The following COL6A6 variants were observed in gnomAD, a reference collection of about 807,000 sequenced individuals.
The protein encoded by COL6A6 is collagen alpha-6(VI) chain.
A neutral mutation model predicts 208.6 loss-of-function variants in COL6A6; 183 were observed. The observed-to-expected ratio is 0.88, with a 90% CI of 0.78 to 0.99. COL6A6 has a LOEUF of 0.99. COL6A6 is among the 50% of genes least tolerant of loss of function. The probability of loss-of-function intolerance (pLI) is 0.00; values close to 1 mark genes in which losing one functional copy is unlikely to be tolerated. For synonymous variants in COL6A6, 973 were observed against 1,011.8 expected, an observed-to-expected ratio of 0.96 and a Z score of 0.73; for missense variants, 2,816 against 2,815.2, an observed-to-expected ratio of 1.00 and a Z score of -0.01.
At chr3:130,650,625 A>G (rs1291610803) in intron 33 of COL6A6, among the ~76,000 whole-genome samples, 4 of 151,928 alleles carry the variant, frequency 2.6e-5, no homozygotes, top group African/African-American at 9.7e-5. Flanking sequence ...AAAAAAAGAA[A>G]AAAGAAAAAG....
chr3:130,664,925 G>C, intron 35 of COL6A6, 78 bp from the exon 36 acceptor site: 1 of 898,820 alleles, frequency 1.1e-6, no homozygotes, highest in Non-Finnish European at 1.7e-6. Context: ...CAGTAAAGTG[G>C]CACTTTGTGT....
intron 28 of COL6A6, among the ~76,000 whole-genome samples, chr3:130,639,689 C>CAAAA (rs57615059): frequency 2.1e-5 from 2 of 94,660 alleles, no homozygotes; most frequent in Admixed American, 1.0e-4. Flanking sequence ...GATCCTGTCT[C>CAAAA]AAAAAAAAAA....
intron 4 of COL6A6, 25 bp from the exon 5 acceptor site, chr3:130,566,677 A>G (rs2063030623): frequency 6.4e-7 from 1 of 1,553,154 alleles, no homozygotes; most frequent in Non-Finnish European, 8.7e-7. Flanking sequence ...CAAATGCCAC[A>G]TGCAACTTAT....
At chr3:130,526,085 A>G (rs1448282036) in intron 1 of COL6A6, among the ~76,000 whole-genome samples, 1 of 152,214 alleles carries the variant, frequency 6.6e-6, no homozygotes, top group African/African-American at 2.4e-5. Flanking sequence ...AGAGAAGTCA[A>G]TAAATGACTT....
intron 23 of COL6A6, among the ~76,000 whole-genome samples, chr3:130,615,477 G>A (rs540674779): frequency 6.6e-6 from 1 of 152,224 alleles, no homozygotes; most frequent in South Asian, 2.1e-4. Context: ...CAGGTTCTGA[G>A]TATCTTTGTT....
chr3:130,606,188 T>G (rs2108180047), intron 20 of COL6A6, among the ~76,000 whole-genome samples: 1 of 152,376 alleles, frequency 6.6e-6, no homozygotes, highest in Admixed American at 6.5e-5. Context: ...TTACTTTTAC[T>G]ATAACATTAC....
chr3:130,584,145 G>A (rs2063484053), intron 10 of COL6A6, among the ~76,000 whole-genome samples: 2 of 152,228 alleles, frequency 1.3e-5, no homozygotes, highest in South Asian at 2.1e-4. Flanking sequence ...TGAAAACATT[G>A]TATTTAGGAT....
chr3:130,612,977 G>T (rs1224172204), intron 23 of COL6A6, among the ~76,000 whole-genome samples: 4 of 152,170 alleles, frequency 2.6e-5, no homozygotes, highest in Non-Finnish European at 5.9e-5. Context: ...TATGTTGTCT[G>T]TTTACTCTGT....
intron 1 of COL6A6, among the ~76,000 whole-genome samples, chr3:130,536,412 C>T (rs955082026): frequency 1.3e-5 from 2 of 152,196 alleles, no homozygotes; most frequent in African/African-American, 4.8e-5. Flanking sequence ...ACATACCTGC[C>T]CTTGTGGTAC....
intron 34 of COL6A6, among the ~76,000 whole-genome samples, chr3:130,659,662 A>G (rs1350175213): frequency 6.6e-6 from 1 of 152,226 alleles, no homozygotes; most frequent in Non-Finnish European, 1.5e-5. Flanking sequence ...TCACAGCCAT[A>G]TTAAACCCAA....
intron 34 of COL6A6, among the ~76,000 whole-genome samples, chr3:130,659,706 A>G (rs1442323032): frequency 6.6e-6 from 1 of 152,244 alleles, no homozygotes. Context: ...CAGTTTATGA[A>G]AAACAGGTCT....
intron 5 of COL6A6, 125 bp downstream of exon 5, chr3:130,567,387 C>A: frequency 1.3e-6 from 1 of 742,200 alleles, no homozygotes; most frequent in Non-Finnish European, 2.2e-6. Flanking sequence ...ACTTGTGTAA[C>A]TGTGTTCTCT....
In COL6A6 at chr3:130,547,240, C is replaced by T. The variant is rs529774535; in HGVS notation, c.-31-13094C>T. On this transcript the variant is annotated intron_variant, in intron 1 of 36. Coordinates refer to ENST00000358511, the MANE Select transcript of COL6A6 (RefSeq NM_001102608.3). ...GGCTGAGGCCCAGGGAGAATTCAAG[C>T]GTGGCAAGAGTGGGCTGGCACTGCT... 1.8e-3 allele frequency among the ~76,000 whole-genome samples: 268 copies of T among 152,366 alleles called. 1 individual carries two copies. Among genetic ancestry groups the T allele is most frequent in the South Asian group, 2.7e-3 (13 of 4,832 alleles).
At chr3:130,626,431 A>G in intron 24 of COL6A6, 54 bp from the exon 25 acceptor site, 3 of 1,239,914 alleles carry the variant, frequency 2.4e-6, no homozygotes, top group Non-Finnish European at 2.4e-6. Context: ...GATGAGCTGA[A>G]TTAGTGCCAT....
At chr3:130,625,684 T>C (rs575456833) in intron 24 of COL6A6, among the ~76,000 whole-genome samples, 1 of 152,236 alleles carries the variant, frequency 6.6e-6, no homozygotes, top group East Asian at 1.9e-4. Context: ...TACGGAGACA[T>C]ACCATGTGGA....
intron 1 of COL6A6, among the ~76,000 whole-genome samples, chr3:130,553,534 T>C (rs1577682947): frequency 6.6e-6 from 1 of 152,322 alleles, no homozygotes; most frequent in Non-Finnish European, 1.5e-5. Context: ...CCATTTCTTC[T>C]TTCATCTCCT....
chr3:130,573,303 C>T (rs1254446514), intron 7 of COL6A6, among the ~76,000 whole-genome samples: 1 of 152,166 alleles, frequency 6.6e-6, no homozygotes. Flanking sequence ...ACCGGGCTTT[C>T]TGGAAGAGCT....
At chr3:130,536,017 A>T (rs2062215576) in intron 1 of COL6A6, among the ~76,000 whole-genome samples, 3 of 152,250 alleles carry the variant, frequency 2.0e-5, no homozygotes, top group Admixed American at 1.3e-4. Flanking sequence ...GCTGATACAT[A>T]TATAGAGTTT....
In COL6A6 at chr3:130,634,700, T is replaced by C. The variant is rs751478306; in HGVS notation, c.5028+75T>C. ...GTTTATGAAATGTATCCTAGGCCAGTAGAAGAACAGTTAATGATAAATAAA... is the reference window on the plus strand; with the variant it reads ...GTTTATGAAATGTATCCTAGGCCAGCAGAAGAACAGTTAATGATAAATAAA... On this transcript the variant is annotated intron_variant, in intron 27 of 36. Coordinates refer to ENST00000358511, the MANE Select transcript of COL6A6 (RefSeq NM_001102608.3). 8.4e-6 allele frequency: 9 copies of C among 1,066,916 alleles called. No individual in the cohort carries two copies. The South Asian group carries it at 1.0e-4, about 12-fold the overall frequency. The allele number at this position is 1,066,916 out of a possible 1,614,324, so 66.1% of individuals were successfully genotyped here.
Sources: allele counts gnomAD v4.1 joint callset (sites outside exome capture counted in the v4.1 genomes callset), GRCh38; gene constraint gnomAD v4.1.1; transcripts MANE v1.5; gene names NCBI Gene and HGNC (gene_info 2026-07-23, HGNC 2026-07-21).